The following SPPL3 variants were observed in gnomAD, a reference collection of about 807,000 sequenced individuals.
SPPL3 encodes the protein signal peptide peptidase-like 3.
SPPL3 carries 5 observed loss-of-function variants against 42.4 expected under a neutral mutation model. The ratio of observed to expected loss-of-function variants is 0.12; its 90% CI spans 0.06 to 0.25. SPPL3 has a LOEUF of 0.25. Among genes scored for constraint, SPPL3 ranks in the 10% least tolerant of loss-of-function variants. The pLI is 1.00. For synonymous variants in SPPL3, 195 were observed against 181.8 expected (o/e 1.07, Z -0.58); for missense variants, 235 against 489.0 (o/e 0.48, Z 4.90).
intron 1 of SPPL3, among the ~76,000 whole-genome samples, chr12:120,863,165 T>A (rs1872660904): frequency 6.6e-6 from 1 of 152,090 alleles, no homozygotes; most frequent in South Asian, 2.1e-4. Flanking sequence ...CTGGCCAACA[T>A]GGTGAAACCC....
At chr12:120,888,098 C>CA (rs571646500) in intron 1 of SPPL3, among the ~76,000 whole-genome samples, 269 of 152,262 alleles carry the variant, frequency 1.8e-3, no homozygotes, top group Non-Finnish European at 3.0e-3. Flanking sequence ...TTTTTTTAGA[C>CA]AGAGTCTTGC....
At chr12:120,768,295 G>A (rs770350137) in intron 8 of SPPL3, 30 bp downstream of exon 8, 2 of 1,596,860 alleles carry the variant, frequency 1.3e-6, no homozygotes, top group South Asian at 1.1e-5. Context: ...CAGGAAGACA[G>A]TGTGGTCCTG....
At chr12:120,863,801 T>A (rs1747268523) in intron 1 of SPPL3, among the ~76,000 whole-genome samples, 1 of 78,518 alleles carries the variant, frequency 1.3e-5, no homozygotes, top group Non-Finnish European at 2.8e-5. Context: ...GTCACCACAT[T>A]TAGCTTTTTT....
chr12:120,893,384 T>A (rs965270509), intron 1 of SPPL3, among the ~76,000 whole-genome samples: 1 of 151,870 alleles, frequency 6.6e-6, no homozygotes, highest in African/African-American at 2.4e-5. Flanking sequence ...AAATATATAT[T>A]TTTTTCCGAG....
intron 1 of SPPL3, among the ~76,000 whole-genome samples, chr12:120,818,733 A>G (rs1332912561): frequency 6.6e-6 from 1 of 152,062 alleles, no homozygotes; most frequent in Non-Finnish European, 1.5e-5. Context: ...AACAATTTAC[A>G]CTCTTAAAAT....
At chr12:120,787,985 G>T (rs1228361397) in intron 3 of SPPL3, among the ~76,000 whole-genome samples, 1 of 152,182 alleles carries the variant, frequency 6.6e-6, no homozygotes, top group Non-Finnish European at 1.5e-5. Flanking sequence ...TCTTGCACAT[G>T]ACTTGATGCA....
intron 1 of SPPL3, among the ~76,000 whole-genome samples, chr12:120,812,067 C>G (rs941734896): frequency 6.6e-6 from 1 of 150,716 alleles, no homozygotes; most frequent in Non-Finnish European, 1.5e-5. Context: ...TTGCAGTGAT[C>G]CCTAGGTTTC....
At chr12:120,889,529 A>G (rs1379072159) in intron 1 of SPPL3, among the ~76,000 whole-genome samples, 1 of 152,246 alleles carries the variant, frequency 6.6e-6, no homozygotes, top group Non-Finnish European at 1.5e-5. Context: ...TGCCTAGAGA[A>G]GAGCTTCCCC....
chr12:120,834,100 C>G (rs12816974), intron 1 of SPPL3, among the ~76,000 whole-genome samples: 3 of 152,100 alleles, frequency 2.0e-5, no homozygotes, highest in African/African-American at 7.2e-5. Flanking sequence ...TCCTAGCCAA[C>G]GAGTTCACAG....
intron 1 of SPPL3, among the ~76,000 whole-genome samples, chr12:120,871,470 T>C (rs1452659556): frequency 1.3e-5 from 2 of 152,036 alleles, no homozygotes; most frequent in African/African-American, 2.4e-5. Context: ...TTATATAAAA[T>C]GGCCAGGTGC....
rs756755290 is a variant in SPPL3 at position 120,764,721 on chromosome 12, G to A, written c.*278C>T. 3 of 430,686 alleles carry A rather than the reference G, an allele frequency of 7.0e-6. No homozygotes were observed. The highest frequency in any genetic ancestry group is 1.2e-5 in the Non-Finnish European group (3 of 244,746). The allele number at this position is 430,686 out of a possible 1,614,324, so 26.7% of individuals were successfully genotyped here. On this transcript the variant is annotated 3_prime_UTR_variant, in exon 11 of 11. Transcript: ENST00000353487. ...CTCCCCCAGAAGGTAACAGTCTGGTGCAGATCCATAAAAACGTGGGAGGAA... is the reference window on the plus strand; with the variant it reads ...CTCCCCCAGAAGGTAACAGTCTGGTACAGATCCATAAAAACGTGGGAGGAA...
chr12:120,827,328 C>CAATAATAATAATAATAAT (rs71076662), intron 1 of SPPL3, among the ~76,000 whole-genome samples: 5 of 145,642 alleles, frequency 3.4e-5, no homozygotes, highest in African/African-American at 1.3e-4. Context: ...ATAACAGGAA[C>CAATAATAATAATAATAAT]AATAATAATA....
intron 1 of SPPL3, among the ~76,000 whole-genome samples, chr12:120,902,712 G>T (rs1169307332): frequency 3.9e-5 from 6 of 152,288 alleles, no homozygotes. Flanking sequence ...AATGTCTACA[G>T]TTCTGTCCCA....
chr12:120,896,747 C>T (rs1873815043), intron 1 of SPPL3, among the ~76,000 whole-genome samples: 1 of 151,442 alleles, frequency 6.6e-6, no homozygotes, highest in Non-Finnish European at 1.5e-5. Context: ...CCACTACACT[C>T]TAGACTGGGT....
chr12:120,832,604 T>G (rs1295629068), intron 1 of SPPL3, among the ~76,000 whole-genome samples: 1 of 151,642 alleles, frequency 6.6e-6, no homozygotes, highest in Non-Finnish European at 1.5e-5. Flanking sequence ...ACCCGGAGGT[T>G]GCAGTGAGCT....
At chr12:120,903,600 C>A (rs1384091751) in intron 1 of SPPL3, 3 of 466,808 alleles carry the variant, frequency 6.4e-6, no homozygotes, top group African/African-American at 6.2e-5. Flanking sequence ...CCGCCCATAG[C>A]CAGATGACAT....
chr12:120,836,691 G>A (rs932341527), intron 1 of SPPL3, among the ~76,000 whole-genome samples: 11 of 152,260 alleles, frequency 7.2e-5, no homozygotes, highest in South Asian at 2.1e-4. Context: ...GGTTAGCACC[G>A]GGAAGGTGTG....
At chr12:120,831,532 C>T (rs1388199029) in intron 1 of SPPL3, among the ~76,000 whole-genome samples, 1 of 152,100 alleles carries the variant, frequency 6.6e-6, no homozygotes, top group Non-Finnish European at 1.5e-5. Context: ...CTGTTTATGC[C>T]ACTGTTTATG....
chr12:120,857,004 C>G lies in SPPL3; in HGVS notation c.24-46118G>C, dbSNP rs565550864. Among the ~76,000 whole-genome samples, 29 of 152,266 alleles carry G rather than the reference C, an allele frequency of 1.9e-4. 1 individual carries two copies. Among genetic ancestry groups the G allele is most frequent in the Admixed American group, 5.9e-4 (9 of 15,294 alleles). ...AACTAAAAGCTAACCATCTGAAGCT[C>G]TCTTTCAGGACAAAGTCTTGTACTG... On this transcript the variant is annotated intron_variant, in intron 1 of 10. Coordinates refer to ENST00000353487, the MANE Select transcript of SPPL3 (RefSeq NM_139015.5).
Sources: allele counts gnomAD v4.1 joint callset (sites outside exome capture counted in the v4.1 genomes callset), GRCh38; gene constraint gnomAD v4.1.1; transcripts MANE v1.5; gene names NCBI Gene and HGNC (gene_info 2026-07-23, HGNC 2026-07-21).